ST7: variants seen among roughly 807,000 people sequenced by gnomAD.
ST7 encodes the protein suppression of tumorigenicity 7, also known as suppressor of tumorigenicity 7 protein.
A neutral mutation model predicts 78.7 loss-of-function variants in ST7; 28 were observed. The observed-to-expected ratio is 0.36, with a 90% confidence interval of 0.26 to 0.49. The LOEUF (loss-of-function observed/expected upper bound fraction) is 0.49, where lower values mean the gene tolerates loss of function less well. Ranked by LOEUF, ST7 falls within the 20% of genes least tolerant of loss-of-function variation. ST7 has a pLI of 0.99. For synonymous variants in ST7, 247 were observed against 249.6 expected (o/e 0.99, Z 0.10); for missense variants, 418 against 696.0 (o/e 0.60, Z 4.49).
At chr7:116,976,969 T>A (rs1793735672) in intron 1 of ST7, among the ~76,000 whole-genome samples, 1 of 152,216 alleles carries the variant, frequency 6.6e-6, no homozygotes, top group East Asian at 1.9e-4. Flanking sequence ...AAAAGATTAG[T>A]TTTAGCCTCC....
At chr7:117,108,444 G>C (rs1484450901) in intron 2 of ST7, among the ~76,000 whole-genome samples, 1 of 152,104 alleles carries the variant, frequency 6.6e-6, no homozygotes, top group Non-Finnish European at 1.5e-5. Context: ...TGTTTCATAG[G>C]TCTATATGCC....
chr7:117,010,759 G>C (rs1391879579), intron 1 of ST7, among the ~76,000 whole-genome samples: 1 of 152,180 alleles, frequency 6.6e-6, no homozygotes, highest in East Asian at 1.9e-4. Flanking sequence ...GTCGGTTATT[G>C]TATAATTTGG....
At chr7:117,092,811 T>C (rs1395170894) in intron 1 of ST7, among the ~76,000 whole-genome samples, 1 of 152,224 alleles carries the variant, frequency 6.6e-6, no homozygotes, top group Non-Finnish European at 1.5e-5. Flanking sequence ...AATGTTGCTT[T>C]GCATGAAATT....
intron 1 of ST7, among the ~76,000 whole-genome samples, chr7:117,012,042 G>T (rs1217004268): frequency 6.6e-6 from 1 of 152,126 alleles, no homozygotes; most frequent in Non-Finnish European, 1.5e-5. Flanking sequence ...GGTAGGACAG[G>T]TCCTTTTATG....
intron 1 of ST7, chr7:116,956,968 A>G (rs1792536631): frequency 4.7e-6 from 1 of 210,906 alleles, no homozygotes; most frequent in Admixed American, 5.5e-5. Context: ...TCCCAAACAA[A>G]GGGACAAAGT....
chr7:117,012,838 C>G (rs542825299), intron 1 of ST7, among the ~76,000 whole-genome samples: 1 of 152,080 alleles, frequency 6.6e-6, no homozygotes, highest in African/African-American at 2.4e-5. Context: ...GTTTGCTAAG[C>G]CTGGCTTTTA....
chr7:117,040,467 A>G (rs1221793035), intron 1 of ST7, among the ~76,000 whole-genome samples: 2 of 152,234 alleles, frequency 1.3e-5, no homozygotes. Flanking sequence ...TCTACGTATA[A>G]TGTAAATCCC....
At chr7:117,002,862 T>A (rs1279952295) in intron 1 of ST7, among the ~76,000 whole-genome samples, 1 of 144,426 alleles carries the variant, frequency 6.9e-6, no homozygotes, top group East Asian at 2.0e-4. Context: ...TTGCTCTAGT[T>A]GCCCAGGCTG....
intron 10 of ST7, among the ~76,000 whole-genome samples, chr7:117,182,986 T>C (rs1410981972): frequency 2.0e-5 from 3 of 152,126 alleles, no homozygotes; most frequent in African/African-American, 7.2e-5. Flanking sequence ...GATTTTTAGA[T>C]AAGGATTTGT....
intron 5 of ST7, among the ~76,000 whole-genome samples, chr7:117,131,228 A>G (rs1286976018): frequency 6.6e-6 from 1 of 151,870 alleles, no homozygotes; most frequent in Non-Finnish European, 1.5e-5. Flanking sequence ...TAATTTATAA[A>G]ATACAAATTT....
At chr7:116,972,786 C>G in intron 1 of ST7, 2 of 949,470 alleles carry the variant, frequency 2.1e-6, no homozygotes, top group South Asian at 2.6e-5. Context: ...CAGCCTGTTC[C>G]TGGGAACACC....
chr7:117,085,066 A>G (rs940980136), intron 1 of ST7, among the ~76,000 whole-genome samples: 7 of 152,210 alleles, frequency 4.6e-5, no homozygotes, highest in African/African-American at 1.7e-4. Context: ...AGAGGCAAAT[A>G]CATATTGATT....
chr7:116,968,305 T>TTTCCTCCCTCCCTCCCTCCCTCCCTCCC, intron 1 of ST7: 1 of 3,754 alleles, frequency 2.7e-4, no homozygotes, highest in African/African-American at 4.6e-4. Flanking sequence ...CCTTCCTTCC[T>TTTCCTCCCTCCCTCCCTCCCTCCCTCCC]TCCTTCCTTC....
At chr7:117,141,885 A>G (rs910610815) in intron 9 of ST7, among the ~76,000 whole-genome samples, 2 of 151,964 alleles carry the variant, frequency 1.3e-5, no homozygotes, top group African/African-American at 4.8e-5. Flanking sequence ...GCCCAGGCTC[A>G]TCTTGACCTC....
At chr7:117,089,862 A>C (rs186110886) in intron 1 of ST7, among the ~76,000 whole-genome samples, 1 of 152,060 alleles carries the variant, frequency 6.6e-6, no homozygotes, top group Admixed American at 6.5e-5. Context: ...GAGCCACCGC[A>C]CCCGGCCTCA....
Position 117,219,024 on chromosome 7 carries a change from C to A in ST7, c.1406-60C>A. Reference sequence around the variant, plus strand: ...AAAAATGCTCAAACGCCCCTTTTTGCAGTTGGGAAGTTATGACACAAACAT... The same window carrying A: ...AAAAATGCTCAAACGCCCCTTTTTGAAGTTGGGAAGTTATGACACAAACAT... On this transcript the variant is annotated intron_variant, in intron 13 of 15. Coordinates refer to ENST00000323984, the MANE Select transcript of ST7 (RefSeq NM_001369598.1). This position sits in a 1 kb window ranked among gnomAD's most constrained non-coding sequence, Gnocchi z 5.1. The A allele has an allele frequency of 7.1e-7, 1 of 1,401,440 alleles. No homozygotes were observed. The highest frequency in any genetic ancestry group is 9.9e-7 in the Non-Finnish European group (1 of 1,006,990). The allele number at this position is 1,401,440 out of a possible 1,614,324, so 86.8% of individuals were successfully genotyped here.
intron 13 of ST7, among the ~76,000 whole-genome samples, chr7:117,212,597 T>C (rs1379131614): frequency 6.6e-6 from 1 of 152,182 alleles, no homozygotes; most frequent in Admixed American, 6.5e-5. Context: ...AGACCAATTT[T>C]ATAAAATAAA....
At chr7:117,000,143 G>A (rs972578024) in intron 1 of ST7, among the ~76,000 whole-genome samples, 1 of 152,194 alleles carries the variant, frequency 6.6e-6, no homozygotes, top group Non-Finnish European at 1.5e-5. Context: ...ATATCAAAAA[G>A]TGTTTGGAGA....
intron 1 of ST7, chr7:116,967,572 C>T (rs967836998): frequency 2.0e-5 from 7 of 354,074 alleles, no homozygotes; most frequent in South Asian, 4.2e-5. Flanking sequence ...AAAATGATGG[C>T]GCCCTTACCA....
Sources: allele counts gnomAD v4.1 joint callset (sites outside exome capture counted in the v4.1 genomes callset), GRCh38; gene constraint gnomAD v4.1.1; non-coding constraint Gnocchi (gnomAD v3.1); transcripts MANE v1.5; gene names NCBI Gene and HGNC (gene_info 2026-07-23, HGNC 2026-07-21).